Variants in NCKAP5 observed in about 807,000 individuals in gnomAD.
NCKAP5 encodes the protein NCK associated protein 5.
Under a neutral mutation model 167.0 loss-of-function variants are expected in NCKAP5, and 92 were observed. That is an observed-to-expected ratio of 0.55 (90% CI 0.47 to 0.66). The LOEUF (loss-of-function observed/expected upper bound fraction) is 0.66. NCKAP5 is among the 30% of genes least tolerant of loss of function. NCKAP5 has a pLI of 0.00. For missense variants in NCKAP5, 2,378 were observed against 2,315.0 expected (o/e 1.03, Z -0.56); for synonymous variants, 891 against 877.4 (o/e 1.02, Z -0.27).
chr2:133,265,673 G>A (rs2089163588), intron 4 of NCKAP5, among the ~76,000 whole-genome samples: 1 of 152,000 alleles, frequency 6.6e-6, no homozygotes. Flanking sequence ...GGCAGACAAG[G>A]TCAGGGATCT....
intron 3 of NCKAP5, among the ~76,000 whole-genome samples, chr2:133,344,377 C>T (rs1421719531): frequency 6.8e-6 from 1 of 147,098 alleles, no homozygotes; most frequent in South Asian, 2.1e-4. Flanking sequence ...CACTGCACTC[C>T]AGCCTGGGCG....
chr2:132,918,417 C>T (rs1695050125), intron 8 of NCKAP5, among the ~76,000 whole-genome samples: 1 of 152,216 alleles, frequency 6.6e-6, no homozygotes, highest in South Asian at 2.1e-4. Context: ...TTCTCTCTTG[C>T]TAGAAAAGAA....
At position 132,920,771 on chromosome 2, in the gene NCKAP5, G is replaced by GTGTATA. The variant is rs1219401757; in HGVS notation, c.580-41856_580-41855insTATACA. Among the ~76,000 whole-genome samples the GTGTATA allele has an allele frequency of 4.8e-3, 152 of 31,578 alleles. 8 individuals carry two copies. The highest frequency in any genetic ancestry group is 7.6e-3 in the South Asian group (5 of 660). 20.7% of individuals were successfully genotyped at this position (31,578 alleles called of 152,430 possible). On this transcript the variant is annotated intron_variant, in intron 8 of 19. Transcript: ENST00000409261. Reference sequence around the variant, plus strand: ...TATATATATATGTATATATATGTATGTATATATATATATATATATATATAT... The same window carrying GTGTATA: ...TATATATATATGTATATATATGTATGTGTATATATATATATATATATATATATATAT...
Position 132,782,053 on chromosome 2 carries a change from AT to A in NCKAP5, c.4757del (p.Asn1586IlefsTer13). On this transcript the variant is annotated frameshift_variant, in exon 14 of 20. Coordinates refer to ENST00000409261, the MANE Select transcript of NCKAP5 (RefSeq NM_207363.3). LOFTEE classifies it high-confidence loss of function. ...DNPDGGLQSK[N>X]NRRTPQDIYN... Reference sequence around the variant, plus strand: ...AAATGTCTTGTGGTGTTCTCCGATTATTTTTGCTTTGTAAACCGCCATCTGG... The same window carrying A: ...AAATGTCTTGTGGTGTTCTCCGATTATTTTGCTTTGTAAACCGCCATCTGG... 1 of 1,613,950 alleles carries A rather than the reference AT, an allele frequency of 6.2e-7. No homozygotes were observed. Among genetic ancestry groups the A allele is most frequent in the Middle Eastern group, 1.6e-4 (1 of 6,062 alleles).
chr2:132,818,058 A>G (rs1251378399), intron 11 of NCKAP5, among the ~76,000 whole-genome samples: 5 of 152,132 alleles, frequency 3.3e-5, no homozygotes, highest in African/African-American at 1.2e-4. Flanking sequence ...AACAATCCCC[A>G]TGCCTCAGCC....
At chr2:133,026,020 C>T (rs1215593922) in intron 6 of NCKAP5, among the ~76,000 whole-genome samples, 1 of 152,090 alleles carries the variant, frequency 6.6e-6, no homozygotes, top group South Asian at 2.1e-4. Context: ...TGTTTCTTGG[C>T]TTTTTAATAC....
chr2:133,196,667 C>T (rs551613184), intron 5 of NCKAP5, among the ~76,000 whole-genome samples: 32 of 152,204 alleles, frequency 2.1e-4, no homozygotes, highest in African/African-American at 4.3e-4. Context: ...CATTTTTCAC[C>T]GCCTGGTATC....
intron 14 of NCKAP5, 29 bp downstream of exon 14, chr2:132,781,911 C>A (rs1558761680): frequency 1.3e-6 from 2 of 1,586,008 alleles, no homozygotes; most frequent in Non-Finnish European, 1.7e-6. Context: ...GACCCCTCTA[C>A]ATTGCTACCT....
rs34264277 is a variant in NCKAP5, at chr2:133,181,603, C to CAAAAAAAAAAAAAAAAAAAAAA, written c.207+32091_207+32112dup. Among the ~76,000 whole-genome samples, 18 of 71,150 alleles carry CAAAAAAAAAAAAAAAAAAAAAA rather than the reference C, an allele frequency of 2.5e-4. 1 individual carries two copies. Among genetic ancestry groups the CAAAAAAAAAAAAAAAAAAAAAA allele is most frequent in the African/African-American group, 9.2e-4 (16 of 17,356 alleles). 46.7% of individuals were successfully genotyped at this position (71,150 alleles called of 152,430 possible). On this transcript the variant is annotated intron_variant, in intron 5 of 19. Coordinates refer to ENST00000409261, the MANE Select transcript of NCKAP5 (RefSeq NM_207363.3). The stretch of plus-strand genomic sequence containing the variant: ...GCAACATGGTAAATCCCCATCTCTA[C>CAAAAAAAAAAAAAAAAAAAAAA]AAAAAAAAAAAAAAAAAAAAAAAAA...
chr2:133,147,694 C>T (rs546147568), intron 5 of NCKAP5, among the ~76,000 whole-genome samples: 13 of 152,190 alleles, frequency 8.5e-5, no homozygotes, highest in South Asian at 6.2e-4. Flanking sequence ...AGCTAGTAAG[C>T]GGCCTCTTCC....
At chr2:133,349,651 A>AG (rs1180706833) in intron 3 of NCKAP5, among the ~76,000 whole-genome samples, 1 of 152,190 alleles carries the variant, frequency 6.6e-6, no homozygotes, top group African/African-American at 2.4e-5. Flanking sequence ...TCCACTTTGA[A>AG]ACCATTAGGT....
intron 6 of NCKAP5, among the ~76,000 whole-genome samples, chr2:133,013,771 T>G (rs950903861): frequency 6.6e-5 from 10 of 152,144 alleles, no homozygotes; most frequent in South Asian, 4.2e-4. Flanking sequence ...AACCCTTTTT[T>G]TGTGTGTGTG....
chr2:132,899,907 TG>T (rs1472366398), intron 8 of NCKAP5, among the ~76,000 whole-genome samples: 1 of 151,264 alleles, frequency 6.6e-6, no homozygotes, highest in Non-Finnish European at 1.5e-5. Context: ...AAACAAACAA[TG>T]AAAAAAAAAT....
At chr2:133,247,787 T>C (rs2088078386) in intron 4 of NCKAP5, among the ~76,000 whole-genome samples, 2 of 152,248 alleles carry the variant, frequency 1.3e-5, no homozygotes, top group South Asian at 2.1e-4. Context: ...CCATGCTCCA[T>C]AGTTCTGCAA....
chr2:133,543,060 A>G (rs1686358414), intron 2 of NCKAP5, among the ~76,000 whole-genome samples: 1 of 152,126 alleles, frequency 6.6e-6, no homozygotes, highest in African/African-American at 2.4e-5. Flanking sequence ...GTGACCTCCA[A>G]TGTTGGAGGG....
chr2:133,623,746 G>A, the NCKAP5 span, among the ~76,000 whole-genome samples: 2 of 151,970 alleles, frequency 1.3e-5, no homozygotes, highest in African/African-American at 2.4e-5. Flanking sequence ...AGATTCCCAA[G>A]AACTAAAAGT....
At position 132,683,741 on chromosome 2, in the gene NCKAP5, C is replaced by T. The variant is rs141172691; in HGVS notation, c.5714-10436G>A. ...TCACCTCACCTGGTCTGAGCCAAGT[C>T]CAGGCAATTTGCTCAAATTCAGATT... On this transcript the variant is annotated intron_variant, in intron 19 of 19. Coordinates refer to ENST00000409261, the MANE Select transcript of NCKAP5 (RefSeq NM_207363.3). 1.5e-3 allele frequency among the ~76,000 whole-genome samples: 221 copies of T among 152,294 alleles called. 1 individual carries two copies. The highest frequency in any genetic ancestry group is 5.2e-3 in the African/African-American group (216 of 41,554).
intron 3 of NCKAP5, among the ~76,000 whole-genome samples, chr2:133,493,065 C>T (rs905785320): frequency 7.2e-5 from 11 of 152,222 alleles, no homozygotes. Context: ...AGATCTTCTA[C>T]CTGAAACAGT....
intron 3 of NCKAP5, among the ~76,000 whole-genome samples, chr2:133,357,773 T>G (rs1684838507): frequency 6.6e-6 from 1 of 152,208 alleles, no homozygotes; most frequent in Non-Finnish European, 1.5e-5. Flanking sequence ...CTTCCTTGCT[T>G]AAAACACTTC....
Sources: gnomAD v4.1 joint callset for allele counts (sites outside exome capture counted in the v4.1 genomes callset) on GRCh38, gnomAD v4.1.1 for gene constraint, MANE v1.5 for transcripts, NCBI Gene and HGNC (gene_info 2026-07-23, HGNC 2026-07-21) for gene names.